The following CDH4 variants were observed in gnomAD, a reference collection of about 807,000 sequenced individuals.
CDH4 encodes cadherin 4.
A neutral mutation model predicts 86.0 loss-of-function variants in CDH4; 33 were observed. The observed-to-expected ratio is 0.38, with a 90% CI of 0.29 to 0.51. The LOEUF is 0.51. Among genes scored for constraint, CDH4 ranks in the 20% least tolerant of loss-of-function variants. The pLI is 0.86. For missense variants in CDH4, 1,114 were observed against 1,307.4 expected, an observed-to-expected ratio of 0.85 and a Z score of 2.28; for synonymous variants, 555 against 549.4, an observed-to-expected ratio of 1.01 and a Z score of -0.14.
intron 13 of CDH4, among the ~76,000 whole-genome samples, chr20:61,930,468 C>G (rs528677657): frequency 6.6e-5 from 10 of 152,154 alleles, no homozygotes; most frequent in Admixed American, 1.3e-4. Context: ...CATGGACAGT[C>G]ACCGTGGTCT....
rs1440145330 is a variant in CDH4, at chr20:61,393,413, G to A, written c.169+138476G>A. Among the ~76,000 whole-genome samples the A allele has an allele frequency of 2.0e-5, 3 of 151,962 alleles. No individual in the cohort carries two copies. The highest frequency in any genetic ancestry group is 2.1e-4 in the South Asian group (1 of 4,818). On this transcript the variant is annotated intron_variant, in intron 2 of 15. Transcript: ENST00000614565. This position sits in a 1 kb window ranked among gnomAD's most constrained non-coding sequence, Gnocchi z 4.3. ...AACAACCACCAGCCCCTCTGATGTC[G>A]AGGACCCCCAGGGATTGGCAAAATT...
chr20:61,496,112 A>G (rs932514016), intron 2 of CDH4, among the ~76,000 whole-genome samples: 5 of 151,852 alleles, frequency 3.3e-5, no homozygotes, highest in Admixed American at 2.6e-4. Flanking sequence ...TCTAGATTTT[A>G]TAATTGGCCA....
rs2084881456 is a variant in CDH4 at position 61,377,996 on chromosome 20, G to A, written c.169+123059G>A. On this transcript the variant is annotated intron_variant, in intron 2 of 15. Coordinates refer to ENST00000614565, the MANE Select transcript of CDH4 (RefSeq NM_001794.5). This position sits in a 1 kb window ranked among gnomAD's most constrained non-coding sequence, Gnocchi z 4.0. Reference sequence around the variant, plus strand: ...AGGCTGGGTGTGGTGGCTCACACCTGTAATTCCAACACTTTGAGAGGCCGA... The same window carrying A: ...AGGCTGGGTGTGGTGGCTCACACCTATAATTCCAACACTTTGAGAGGCCGA... Among the ~76,000 whole-genome samples the A allele has an allele frequency of 6.6e-6, 1 of 152,238 alleles. No individual in the cohort carries two copies. The highest frequency in any genetic ancestry group is 2.4e-5 in the African/African-American group (1 of 41,464).
At chr20:61,693,092 C>T (rs941033066) in intron 2 of CDH4, among the ~76,000 whole-genome samples, 2 of 152,102 alleles carry the variant, frequency 1.3e-5, no homozygotes, top group African/African-American at 2.4e-5. Flanking sequence ...AACTGATCAC[C>T]GGCTCACCTG....
intron 2 of CDH4, among the ~76,000 whole-genome samples, chr20:61,586,621 C>T (rs970809215): frequency 6.6e-6 from 1 of 152,172 alleles, no homozygotes; most frequent in Non-Finnish European, 1.5e-5. Context: ...TCATTTGATC[C>T]TTTTGTAGAC....
At chr20:61,802,236 T>C (rs1979867855) in intron 4 of CDH4, among the ~76,000 whole-genome samples, 1 of 152,194 alleles carries the variant, frequency 6.6e-6, no homozygotes. Flanking sequence ...CACACCCTGA[T>C]CATGCTCTGT....
intron 2 of CDH4, among the ~76,000 whole-genome samples, chr20:61,398,269 T>A (rs2085030113): frequency 6.6e-6 from 1 of 152,240 alleles, no homozygotes; most frequent in Non-Finnish European, 1.5e-5. Context: ...CTTCAGCTTA[T>A]GCACGGAAGG....
intron 3 of CDH4, among the ~76,000 whole-genome samples, chr20:61,753,040 G>A (rs1024986899): frequency 6.6e-6 from 1 of 152,156 alleles, no homozygotes; most frequent in South Asian, 2.1e-4. Flanking sequence ...CATGCAGAGG[G>A]CTACCTAACT....
In CDH4 at chr20:61,912,970, C is replaced by T. The variant is rs560516270; in HGVS notation, c.1374+2363C>T. ...GGAAGGTGATGGAGACTGGATGTGACATGCAGGCAGAGGAGAGGAGTGAGC... is the reference window on the plus strand; with the variant it reads ...GGAAGGTGATGGAGACTGGATGTGATATGCAGGCAGAGGAGAGGAGTGAGC... On this transcript the variant is annotated intron_variant, in intron 9 of 15. Coordinates refer to ENST00000614565, the MANE Select transcript of CDH4 (RefSeq NM_001794.5). 1.8e-4 allele frequency among the ~76,000 whole-genome samples: 27 copies of T among 152,346 alleles called. No individual in the cohort carries two copies. The South Asian group carries it at 3.1e-3, about 18-fold the overall frequency.
At chr20:61,299,799 G>A (rs968244344) in intron 2 of CDH4, among the ~76,000 whole-genome samples, 1 of 152,182 alleles carries the variant, frequency 6.6e-6, no homozygotes, top group Admixed American at 6.5e-5. Flanking sequence ...AGATGAGGAG[G>A]ACTAGCGCCA....
intron 2 of CDH4, among the ~76,000 whole-genome samples, chr20:61,532,830 A>G (rs2085965963): frequency 6.6e-6 from 1 of 152,120 alleles, no homozygotes; most frequent in South Asian, 2.1e-4. Flanking sequence ...AGTTCCCACA[A>G]GCGTAGCAGC....
chr20:61,618,526 C>T (rs1386923550), intron 2 of CDH4, among the ~76,000 whole-genome samples: 3 of 152,178 alleles, frequency 2.0e-5, no homozygotes, highest in Non-Finnish European at 2.9e-5. Flanking sequence ...GGTGTTGCTG[C>T]CTGGGAATGG....
intron 2 of CDH4, among the ~76,000 whole-genome samples, chr20:61,672,965 A>G (rs1388637905): frequency 6.6e-6 from 1 of 152,128 alleles, no homozygotes; most frequent in East Asian, 1.9e-4. Context: ...TAGAAGAAGA[A>G]GAAGGAGGCA....
At chr20:61,837,769 C>T (rs540789710) in intron 4 of CDH4, among the ~76,000 whole-genome samples, 83 of 149,234 alleles carry the variant, frequency 5.6e-4, no homozygotes, top group African/African-American at 1.2e-3. Flanking sequence ...GCACCCCCCC[C>T]GTGGGTCTGT....
intron 9 of CDH4, among the ~76,000 whole-genome samples, chr20:61,913,220 C>T (rs888087904): frequency 1.3e-5 from 2 of 152,212 alleles, no homozygotes; most frequent in African/African-American, 4.8e-5. Context: ...GCCCCGCCAC[C>T]TTCATCAGCC....
chr20:61,547,886 G>A (rs1031215718), intron 2 of CDH4, among the ~76,000 whole-genome samples: 6 of 152,210 alleles, frequency 3.9e-5, no homozygotes, highest in Admixed American at 1.3e-4. Flanking sequence ...GACTGTATCC[G>A]TGTTCGCACA....
intron 4 of CDH4, among the ~76,000 whole-genome samples, chr20:61,813,064 G>A (rs747675303): frequency 9.2e-5 from 14 of 152,324 alleles, no homozygotes; most frequent in East Asian, 1.9e-4. Flanking sequence ...ACCACATCCC[G>A]CTGCCTTCCT....
In CDH4 at chr20:61,510,201, C is replaced by G. The variant is rs1348795013; in HGVS notation, c.170-233362C>G. On this transcript the variant is annotated intron_variant, in intron 2 of 15. Coordinates refer to ENST00000614565, the MANE Select transcript of CDH4 (RefSeq NM_001794.5). The surrounding 1 kb of genome is among the most constrained non-coding windows in gnomAD (Gnocchi z 4.2). ...TTAGTGATTTGCAATATGCCAGCAT[C>G]TATGCGCTCAGCACTCCCGCTCGTG... is the stretch of plus-strand genomic sequence containing the variant. Among the ~76,000 whole-genome samples, 1 of 152,194 alleles carries G rather than the reference C, an allele frequency of 6.6e-6. No individual in the cohort carries two copies. Among genetic ancestry groups the G allele is most frequent in the African/African-American group, 2.4e-5 (1 of 41,452 alleles).
chr20:61,360,799 A>G (rs1341546123), intron 2 of CDH4, among the ~76,000 whole-genome samples: 1 of 152,232 alleles, frequency 6.6e-6, no homozygotes, highest in African/African-American at 2.4e-5. Context: ...TCAGAGGCAT[A>G]CGAACTCAAT....
Sources: gnomAD v4.1 joint callset for allele counts (sites outside exome capture counted in the v4.1 genomes callset) on GRCh38, gnomAD v4.1.1 for gene constraint, Gnocchi (gnomAD v3.1) non-coding constraint, MANE v1.5 for transcripts, NCBI Gene and HGNC (gene_info 2026-07-23, HGNC 2026-07-21) for gene names.